The following RHCE variants were observed in gnomAD, a reference collection of about 807,000 sequenced individuals.
The protein encoded by RHCE is blood group Rh(CE) polypeptide.
RHCE carries 22 observed loss-of-function variants against 43.8 expected under a neutral mutation model. The observed-to-expected ratio is 0.50, with a 90% CI of 0.36 to 0.72. The LOEUF is 0.72. RHCE is among the 30% of genes least tolerant of loss of function. RHCE has a pLI of 0.00. For missense variants in RHCE, 385 were observed against 525.4 expected, an observed-to-expected ratio of 0.73 and a Z score of 2.61; for synonymous variants, 156 against 210.7, an observed-to-expected ratio of 0.74 and a Z score of 2.25.
Position 25,409,159 on chromosome 1 carries a change from T to C in RHCE, c.149-290A>G, listed in dbSNP as rs1281944173. ...TGCTCAGTAAATGTGGCAATTATTC[T>C]ATTATTAAACCTAATAATAAGAACA... On this transcript the variant is annotated intron_variant, in intron 1 of 9. Transcript: ENST00000294413. 1.1e-4 allele frequency among the ~76,000 whole-genome samples: 13 copies of C among 123,758 alleles called. 3 individuals are homozygous for C. Among genetic ancestry groups the C allele is most frequent in the African/African-American group, 3.3e-4 (13 of 39,724 alleles). The allele number at this position is 123,758 out of a possible 152,430, so 81.2% of individuals were successfully genotyped here. A position where few individuals can be genotyped will look rare whatever the true frequency, so the allele number is the denominator to read the frequency against.
intron 3 of RHCE, among the ~76,000 whole-genome samples, chr1:25,400,881 G>T (rs1251700563): frequency 1.3e-5 from 2 of 152,110 alleles, no homozygotes; most frequent in African/African-American, 4.8e-5. Flanking sequence ...CCCACGTGCA[G>T]TCTATCAGCA....
chr1:25,396,628 G>A (rs992340682), intron 3 of RHCE, among the ~76,000 whole-genome samples: 42 of 152,232 alleles, frequency 2.8e-4, no homozygotes, highest in Middle Eastern at 3.4e-3. Flanking sequence ...GAGAGAGAGA[G>A]AGAAAGAGAG....
chr1:25,392,194 A>C lies in RHCE; in HGVS notation c.487-53T>G, dbSNP rs1430270140. On this transcript the variant is annotated intron_variant, in intron 3 of 9. Transcript: ENST00000294413. ...AGTGTCGGCATCCTCTGCCCAGGGG[A>C]AAGCCCTGATGGTCCTTGGAGAAAG... The C allele has an allele frequency of 1.3e-4, 212 of 1,613,344 alleles. 1 individual carries two copies. In the African/African-American group the frequency reaches 2.1e-3, roughly 16 times the overall value.
intron 6 of RHCE, among the ~76,000 whole-genome samples, chr1:25,386,809 G>A (rs559834026): frequency 1.7e-4 from 26 of 149,884 alleles, no homozygotes; most frequent in South Asian, 1.0e-3. Context: ...GCAAAAGAGC[G>A]AGACACCGTC....
chr1:25,400,350 G>A (rs1414432775), intron 3 of RHCE, among the ~76,000 whole-genome samples: 2 of 151,992 alleles, frequency 1.3e-5, no homozygotes, highest in African/African-American at 4.8e-5. Flanking sequence ...GCCCTCATCC[G>A]ACTTGACCTC....
intron 3 of RHCE, chr1:25,398,666 T>C (rs1646633872): frequency 3.6e-6 from 3 of 825,960 alleles, no homozygotes; most frequent in South Asian, 2.9e-5. Context: ...TGCCGGCCTA[T>C]TCACAGTCCC....
At chr1:25,388,875 A>G in intron 6 of RHCE, 101 bp downstream of exon 6, 1 of 1,585,804 alleles carries the variant, frequency 6.3e-7, no homozygotes, top group South Asian at 1.1e-5. Flanking sequence ...ATGCACCAAC[A>G]CCTGCCTAAT....
chr1:25,427,969 G>A (rs2042817680), intron 2 of RHCE, among the ~76,000 whole-genome samples: 2 of 152,208 alleles, frequency 1.3e-5, no homozygotes. Context: ...CAGACCTTCA[G>A]ATTGTTTGTC....
intron 3 of RHCE, among the ~76,000 whole-genome samples, chr1:25,395,460 T>C (rs1277334763): frequency 1.3e-5 from 2 of 152,202 alleles, no homozygotes; most frequent in Non-Finnish European, 2.9e-5. Flanking sequence ...CAGTGGCTTC[T>C]CATAGTCAGT....
intron 1 of RHCE, chr1:25,411,377 A>C (rs1647072113): frequency 6.4e-7 from 1 of 1,550,586 alleles, no homozygotes; most frequent in Non-Finnish European, 8.7e-7. Flanking sequence ...GATAACAATG[A>C]GAAGCTCTCA....
chr1:25,419,411 T>C (rs907986984), intron 1 of RHCE, among the ~76,000 whole-genome samples: 7 of 152,104 alleles, frequency 4.6e-5, no homozygotes, highest in African/African-American at 1.7e-4. Flanking sequence ...TTAAATGGTA[T>C]AAGGGCTTCC....
intron 1 of RHCE, among the ~76,000 whole-genome samples, chr1:25,418,229 A>G (rs1340163270): frequency 1.3e-5 from 2 of 151,834 alleles, no homozygotes; most frequent in South Asian, 2.1e-4. Flanking sequence ...GTTTCACCAT[A>G]TGGGCCAGGC....
intron 3 of RHCE, among the ~76,000 whole-genome samples, chr1:25,402,175 C>CCTCT (rs1646769652): frequency 6.9e-6 from 1 of 145,182 alleles, no homozygotes; most frequent in Non-Finnish European, 1.5e-5. Context: ...CTGTACCCAG[C>CCTCT]CTGTCTGTCT....
At chr1:25,404,501 C>T (rs1476880022) in intron 2 of RHCE, among the ~76,000 whole-genome samples, 1 of 150,924 alleles carries the variant, frequency 6.6e-6, no homozygotes, top group Non-Finnish European at 1.5e-5. Flanking sequence ...AATGTTCCAT[C>T]GTGCCTGGAC....
At chr1:25,393,247 ACCT>A (rs1646435682) in intron 3 of RHCE, among the ~76,000 whole-genome samples, 1 of 151,874 alleles carries the variant, frequency 6.6e-6, no homozygotes, top group African/African-American at 2.4e-5. Flanking sequence ...TGTTACAGTA[ACCT>A]CCTAACTGGT....
intron 6 of RHCE, among the ~76,000 whole-genome samples, chr1:25,388,030 G>A (rs1646238942): frequency 6.6e-6 from 1 of 151,868 alleles, no homozygotes; most frequent in African/African-American, 2.4e-5. Context: ...TGTTGGCCAG[G>A]CTGGTCTTGA....
At chr1:25,388,332 TAGAA>T (rs1646248170) in intron 6 of RHCE, among the ~76,000 whole-genome samples, 1 of 128,034 alleles carries the variant, frequency 7.8e-6, no homozygotes, top group Non-Finnish European at 1.6e-5. Flanking sequence ...TCCATCCACT[TAGAA>T]GAAGAATTAA....
At chr1:25,384,650 G>T (rs535808772) in intron 7 of RHCE, among the ~76,000 whole-genome samples, 1 of 152,124 alleles carries the variant, frequency 6.6e-6, no homozygotes, top group African/African-American at 2.4e-5. Flanking sequence ...CCTATAATTT[G>T]GGGCTATGGT....
In RHCE at chr1:25,378,565, G is replaced by A. The variant is rs549291273; in HGVS notation, c.1074-3137C>T. Among the ~76,000 whole-genome samples the A allele has an allele frequency of 1.4e-3, 209 of 152,240 alleles. 2 individuals are homozygous for A. The highest frequency in any genetic ancestry group is 4.1e-3 in the African/African-American group (169 of 41,540). ...ACTAATGGCCAAAGTTGTTTATCTC[G>A]TTTTCTTGCAAGTCAGCTTTCTCAG... On this transcript the variant is annotated intron_variant, in intron 7 of 9. Transcript: ENST00000294413.
Sources: allele counts gnomAD v4.1 joint callset (sites outside exome capture counted in the v4.1 genomes callset), GRCh38; gene constraint gnomAD v4.1.1; transcripts MANE v1.5; gene names NCBI Gene and HGNC (gene_info 2026-07-23, HGNC 2026-07-21).